The following MTPAP variants were observed in gnomAD, a reference collection of about 807,000 sequenced individuals.
The protein encoded by MTPAP is mitochondrial poly(A) polymerase, also known as poly(A) RNA polymerase, mitochondrial.
In MTPAP, 23 loss-of-function variants were observed where a neutral mutation model predicts 48.7. The observed-to-expected ratio is 0.47, with a 90% CI of 0.34 to 0.67. The LOEUF is 0.67. Ranked by LOEUF, MTPAP falls within the 30% of genes least tolerant of loss-of-function variation. The pLI is 0.01. For missense variants in MTPAP, 614 were observed against 694.3 expected (o/e 0.88, Z 1.30); for synonymous variants, 257 against 254.1 (o/e 1.01, Z -0.11).
intron 1 of MTPAP, among the ~76,000 whole-genome samples, chr10:30,342,515 G>C (rs140061702): frequency 7.3e-6 from 1 of 137,298 alleles, no homozygotes; most frequent in Admixed American, 8.1e-5. Flanking sequence ...TACTATGCTT[G>C]ATGCAAAGTG....
In MTPAP at chr10:30,315,832, C is replaced by T. The variant is rs147001083; in HGVS notation, c.1386+131G>A. Reference sequence around the variant, plus strand: ...TCATGTAACTTCTCTGGACATCAACCTCCTTGTTACTACAAATTACTACAC... The same window carrying T: ...TCATGTAACTTCTCTGGACATCAACTTCCTTGTTACTACAAATTACTACAC... On this transcript the variant is annotated intron_variant, in intron 8 of 8. Coordinates refer to ENST00000263063, the MANE Select transcript of MTPAP (RefSeq NM_018109.4). 1.0e-3 allele frequency: 1,067 copies of T among 1,047,672 alleles called. 5 individuals carry two copies. In the African/African-American group the frequency reaches 0.015, roughly 15 times the overall value. The allele number at this position is 1,047,672 out of a possible 1,614,324, so 64.9% of individuals were successfully genotyped here. A position where few individuals can be genotyped will look rare whatever the true frequency, so the allele number is the denominator to read the frequency against.
intron 1 of MTPAP, among the ~76,000 whole-genome samples, chr10:30,346,628 G>A (rs1395582651): frequency 6.6e-6 from 1 of 152,168 alleles, no homozygotes; most frequent in Non-Finnish European, 1.5e-5. Context: ...TACCTAATAA[G>A]CTGGGTAGCC....
rs1225931559 is a variant in MTPAP at position 30,336,935 on chromosome 10, G to A, written c.648C>T (p.Asp216=). The A allele has an allele frequency of 1.2e-6, 2 of 1,613,534 alleles. No individual in the cohort carries two copies. The highest frequency in any genetic ancestry group is 1.1e-5 in the South Asian group (1 of 91,044). The part of the protein sequence containing the change: ...LRYLTCSLIE[D]MAAAYFPDCI... Reference sequence around the variant, plus strand: ...AGTCTGGAAAATACGCGGCGGCCATGTCTTCAATAAGAGAACAGGTGAGAT... The same window carrying A: ...AGTCTGGAAAATACGCGGCGGCCATATCTTCAATAAGAGAACAGGTGAGAT... Residue 216 remains aspartate (D), a synonymous_variant, in exon 4 of 9, where the codon GAC becomes GAT. Transcript: ENST00000263063.
At chr10:30,342,214 C>A (rs1564524377) in intron 1 of MTPAP, among the ~76,000 whole-genome samples, 1 of 152,044 alleles carries the variant, frequency 6.6e-6, no homozygotes, top group Non-Finnish European at 1.5e-5. Flanking sequence ...CCATCCTGGG[C>A]AACAGAGCGA....
In MTPAP at chr10:30,326,526, G is replaced by A. The variant is rs1420232387; in HGVS notation, c.890C>T (p.Pro297Leu). 1 of 1,614,140 alleles carries A rather than the reference G, an allele frequency of 6.2e-7. No individual in the cohort carries two copies. Among genetic ancestry groups the A allele is most frequent in the Non-Finnish European group, 8.5e-7 (1 of 1,180,008 alleles). ...TATTTTTTGCACACCCACACAGCCA[G>A]GGCCAAAGTGGTCAAGGCACTCTCC... ...VLGECLDHFG[P>L]GCVGVQKILN... Residue 297 changes from proline to leucine, a missense_variant, in exon 5 of 9, where the codon CCT becomes CTT. This residue lies in a region of MTPAP where 261 missense variants were observed against 355.4 expected (regional missense o/e 0.73). Coordinates refer to ENST00000263063, the MANE Select transcript of MTPAP (RefSeq NM_018109.4).
rs891470261 is a variant in MTPAP at position 30,311,872 on chromosome 10, G to A, written c.*1737C>T. ...TAGAAAGTTACTCCACAGAAGCCAG[G>A]TGCAGTGGCTCACGCCTGTAATTCC... On this transcript the variant is annotated 3_prime_UTR_variant, in exon 9 of 9. Coordinates refer to ENST00000263063, the MANE Select transcript of MTPAP (RefSeq NM_018109.4). 3 of 152,508 alleles carry A rather than the reference G, an allele frequency of 2.0e-5. No homozygotes were observed. The highest frequency in any genetic ancestry group is 7.2e-5 in the African/African-American group (3 of 41,472). 9.4% of individuals were successfully genotyped at this position (152,508 alleles called of 1,614,324 possible). A position where few individuals can be genotyped will look rare whatever the true frequency, so the allele number is the denominator to read the frequency against.
chr10:30,314,940 A>G (rs1413569978), intron 8 of MTPAP, among the ~76,000 whole-genome samples: 1 of 151,934 alleles, frequency 6.6e-6, no homozygotes, highest in Non-Finnish European at 1.5e-5. Flanking sequence ...AAAGCTATGA[A>G]TCATATGACT....
At chr10:30,326,062 T>A (rs1214215330) in intron 5 of MTPAP, among the ~76,000 whole-genome samples, 1 of 152,156 alleles carries the variant, frequency 6.6e-6, no homozygotes, top group Admixed American at 6.5e-5. Context: ...TAAATAGGCA[T>A]CTTTCTTTCT....
At position 30,312,594 on chromosome 10, in the gene MTPAP, AAG is replaced by A. The variant is rs1322193272; in HGVS notation, c.*1013_*1014del. 6.6e-6 allele frequency: 1 copy of A among 151,212 alleles called. No individual in the cohort carries two copies. Among genetic ancestry groups the A allele is most frequent in the Non-Finnish European group, 1.5e-5 (1 of 67,980 alleles). 9.4% of individuals were successfully genotyped at this position (151,212 alleles called of 1,614,324 possible). On this transcript the variant is annotated 3_prime_UTR_variant, in exon 9 of 9. Transcript: ENST00000263063. ...CAAAAAAAAAAAAAAAAAAAAAAGA[AAG>A]AAAGAAAATACAGTACTTTCACAGG...
intron 6 of MTPAP, 127 bp downstream of exon 6, chr10:30,322,263 CT>C: frequency 2.4e-6 from 2 of 837,796 alleles, no homozygotes; most frequent in Non-Finnish European, 3.9e-6. Flanking sequence ...CTCCGGTAGA[CT>C]TTAAAAAAAA....
rs780770819 is a variant in MTPAP at position 30,311,507 on chromosome 10, G to A, written c.*2102C>T. 2.0e-5 allele frequency: 3 copies of A among 152,080 alleles called. No homozygotes were observed. Among genetic ancestry groups the A allele is most frequent in the Non-Finnish European group, 2.9e-5 (2 of 68,016 alleles). 9.4% of individuals were successfully genotyped at this position (152,080 alleles called of 1,614,324 possible). On this transcript the variant is annotated 3_prime_UTR_variant, in exon 9 of 9. Transcript: ENST00000263063. ...TAAAGAGAAGTAACATTTACTTCGC[G>A]CCAGGAAAATGCACTGACCTAGCAT...
At chr10:30,321,913 T>C (rs1840730238) in intron 6 of MTPAP, among the ~76,000 whole-genome samples, 1 of 152,210 alleles carries the variant, frequency 6.6e-6, no homozygotes, top group African/African-American at 2.4e-5. Flanking sequence ...ACAAACAATA[T>C]AGTATGTCAA....
rs567273195 is a variant in MTPAP at position 30,335,198 on chromosome 10, T to A, written c.780+1605A>T. On this transcript the variant is annotated intron_variant, in intron 4 of 8. Transcript: ENST00000263063. ...AAACTAAACATTTTATAAAAACACATAGCCTTGGCCGCGTGTGGTGACTCA... is the reference window on the plus strand; with the variant it reads ...AAACTAAACATTTTATAAAAACACAAAGCCTTGGCCGCGTGTGGTGACTCA... 2.6e-5 allele frequency among the ~76,000 whole-genome samples: 4 copies of A among 152,150 alleles called. 1 individual carries two copies. Among genetic ancestry groups the A allele is most frequent in the African/African-American group, 4.8e-5 (2 of 41,446 alleles).
chr10:30,318,246 A>AT (rs931021270), intron 6 of MTPAP, among the ~76,000 whole-genome samples: 2 of 152,114 alleles, frequency 1.3e-5, no homozygotes, highest in African/African-American at 2.4e-5. Context: ...GTTTTTTGTC[A>AT]TTTTTTTGTC....
chr10:30,335,523 T>A (rs1408451762), intron 4 of MTPAP, among the ~76,000 whole-genome samples: 1 of 152,168 alleles, frequency 6.6e-6, no homozygotes, highest in Admixed American at 6.6e-5. Flanking sequence ...AATAGCCTTT[T>A]CAACACTGTA....
chr10:30,328,924 A>ACATC (rs931742856), intron 4 of MTPAP, among the ~76,000 whole-genome samples: 66 of 152,090 alleles, frequency 4.3e-4, no homozygotes, highest in African/African-American at 1.5e-3. Context: ...GAAACAGAAC[A>ACATC]CATCCTAGGT....
chr10:30,337,844 A>G (rs377032441), intron 3 of MTPAP, among the ~76,000 whole-genome samples: 1 of 152,230 alleles, frequency 6.6e-6, no homozygotes, highest in African/African-American at 2.4e-5. Context: ...TCAGTTTCTC[A>G]GAATAACAAT....
rs1011354767 is a variant in MTPAP, at chr10:30,314,085, T to C, written c.1387-114A>G. 65 of 1,190,434 alleles carry C rather than the reference T, an allele frequency of 5.5e-5. 1 individual carries two copies. Among genetic ancestry groups the C allele is most frequent in the Admixed American group, 3.2e-4 (16 of 50,144 alleles). 73.7% of individuals were successfully genotyped at this position (1,190,434 alleles called of 1,614,324 possible). On this transcript the variant is annotated intron_variant, in intron 8 of 8. Coordinates refer to ENST00000263063, the MANE Select transcript of MTPAP (RefSeq NM_018109.4). Reference sequence around the variant, plus strand: ...ATAAAACACCAGCATTAACTTTACATAGCAAAGAATTTCTTTCTCAGGGGA... The same window carrying C: ...ATAAAACACCAGCATTAACTTTACACAGCAAAGAATTTCTTTCTCAGGGGA...
At chr10:30,315,673 G>T (rs1002904608) in intron 8 of MTPAP, among the ~76,000 whole-genome samples, 2 of 152,080 alleles carry the variant, frequency 1.3e-5, no homozygotes, top group African/African-American at 4.8e-5. Context: ...AAACTTTCTG[G>T]AATGTATTCC....
Sources: allele counts gnomAD v4.1 joint callset (sites outside exome capture counted in the v4.1 genomes callset), GRCh38; gene constraint gnomAD v4.1.1; regional missense constraint gnomAD v4.1.1; transcripts MANE v1.5; gene names NCBI Gene and HGNC (gene_info 2026-07-23, HGNC 2026-07-21).